RAPGEF2: variants seen among roughly 807,000 people sequenced by gnomAD.
RAPGEF2 encodes PDZ domain containing guanine nucleotide exchange factor (GEF) 1.
A neutral mutation model predicts 186.7 loss-of-function variants in RAPGEF2; 54 were observed. That is an observed-to-expected ratio of 0.29 (90% CI 0.23 to 0.36). The LOEUF is 0.36. Ranked by LOEUF, RAPGEF2 falls within the 10% of genes least tolerant of loss-of-function variation. RAPGEF2 has a pLI of 1.00. For synonymous variants in RAPGEF2, 712 were observed against 705.9 expected, an observed-to-expected ratio of 1.01 and a Z score of -0.14; for missense variants, 1,532 against 2,045.0, an observed-to-expected ratio of 0.75 and a Z score of 4.84.
rs1411740237 is a variant in RAPGEF2, at chr4:159,358,474, A to C, written c.*335A>C. ...CAACAAGATGATTCACTCTGGCTGCACTTCTCAATGCCTGGAAGGATTTTT... is the reference window on the plus strand; with the variant it reads ...CAACAAGATGATTCACTCTGGCTGCCCTTCTCAATGCCTGGAAGGATTTTT... On this transcript the variant is annotated 3_prime_UTR_variant, in exon 30 of 30. Transcript: ENST00000691494. 1 of 299,718 alleles carries C rather than the reference A, an allele frequency of 3.3e-6. No individual in the cohort carries two copies. Among genetic ancestry groups the C allele is most frequent in the African/African-American group, 2.2e-5 (1 of 46,452 alleles). 18.6% of individuals were successfully genotyped at this position (299,718 alleles called of 1,614,324 possible).
At position 159,144,879 on chromosome 4, in the gene RAPGEF2, G is replaced by GTTTTTT. The variant is rs137978885; in HGVS notation, c.69+40669_69+40674dup. On this transcript the variant is annotated intron_variant, in intron 1 of 29. Transcript: ENST00000691494. ...CTTCTTAATTTTTTTCTTTCTTCCT[G>GTTTTTT]TTTTTTTTTTTTTTTTTTTTTTTTT... Among the ~76,000 whole-genome samples the GTTTTTT allele has an allele frequency of 1.6e-3, 148 of 92,294 alleles. 16 individuals carry two copies. Among genetic ancestry groups the GTTTTTT allele is most frequent in the African/African-American group, 3.1e-3 (72 of 23,558 alleles). The allele number at this position is 92,294 out of a possible 152,430, so 60.5% of individuals were successfully genotyped here.
intron 7 of RAPGEF2, among the ~76,000 whole-genome samples, chr4:159,281,197 G>A (rs1407131981): frequency 2.0e-5 from 3 of 151,794 alleles, no homozygotes; most frequent in East Asian, 2.0e-4. Flanking sequence ...TCACCATGTT[G>A]GCCAAGATGG....
chr4:159,343,472 T>C, intron 22 of RAPGEF2, 68 bp downstream of exon 22: 2 of 1,569,462 alleles, frequency 1.3e-6, no homozygotes, highest in Non-Finnish European at 1.7e-6. Flanking sequence ...TCCCAATAAA[T>C]GATTTTTTTA....
At chr4:159,256,490 G>A (rs1485536943) in intron 7 of RAPGEF2, among the ~76,000 whole-genome samples, 2 of 152,180 alleles carry the variant, frequency 1.3e-5, no homozygotes, top group Non-Finnish European at 2.9e-5. Flanking sequence ...GCTATTGTGA[G>A]TAGTGCTGTG....
At chr4:159,254,852 C>T (rs1398284983) in intron 7 of RAPGEF2, among the ~76,000 whole-genome samples, 13 of 152,100 alleles carry the variant, frequency 8.5e-5, no homozygotes, top group East Asian at 3.9e-4. Flanking sequence ...CCGCCTGCCT[C>T]GGCCTCCCAA....
chr4:159,303,305 A>C (rs1056521554), intron 7 of RAPGEF2, among the ~76,000 whole-genome samples: 1 of 152,152 alleles, frequency 6.6e-6, no homozygotes, highest in Non-Finnish European at 1.5e-5. Flanking sequence ...CGGGAATACT[A>C]CTAAGGTTAA....
chr4:159,271,647 G>C (rs1035867414), intron 7 of RAPGEF2, among the ~76,000 whole-genome samples: 1 of 152,138 alleles, frequency 6.6e-6, no homozygotes, highest in African/African-American at 2.4e-5. Flanking sequence ...CCACAGACTT[G>C]TACTACCTAC....
chr4:159,293,994 G>T (rs1028723260), intron 7 of RAPGEF2, among the ~76,000 whole-genome samples: 2 of 152,160 alleles, frequency 1.3e-5, no homozygotes, highest in East Asian at 3.8e-4. Context: ...CGGAAGGGAC[G>T]TTGGGAAATG....
chr4:159,183,134 G>C (rs964537415), intron 1 of RAPGEF2, among the ~76,000 whole-genome samples: 1 of 152,168 alleles, frequency 6.6e-6, no homozygotes, highest in Non-Finnish European at 1.5e-5. Context: ...GTGAAAGGTA[G>C]AACAAGGCTG....
intron 1 of RAPGEF2, among the ~76,000 whole-genome samples, chr4:159,183,477 A>C: frequency 6.6e-6 from 1 of 152,366 alleles, no homozygotes; most frequent in Middle Eastern, 3.4e-3. Context: ...AAAATATAGT[A>C]GTAAATCATT....
At chr4:159,171,357 A>G (rs1561040925) in intron 1 of RAPGEF2, among the ~76,000 whole-genome samples, 1 of 152,226 alleles carries the variant, frequency 6.6e-6, no homozygotes. Context: ...TGATTCGCTT[A>G]GAAAATCTTA....
At position 159,358,203 on chromosome 4, in the gene RAPGEF2, G is replaced by GC. The variant is rs1483791194; in HGVS notation, c.*65dup. ...AGGAGAGCACAAGAAGACGTCCTGAGCATTGGAGCCTTGGAACTCACATTC... is the reference window on the plus strand; with the variant it reads ...AGGAGAGCACAAGAAGACGTCCTGAGCCATTGGAGCCTTGGAACTCACATTC... On this transcript the variant is annotated 3_prime_UTR_variant, in exon 30 of 30. Coordinates refer to ENST00000691494, the MANE Select transcript of RAPGEF2 (RefSeq NM_001394067.2). 1 of 1,509,326 alleles carries GC rather than the reference G, an allele frequency of 6.6e-7. No homozygotes were observed. Among genetic ancestry groups the GC allele is most frequent in the Non-Finnish European group, 9.0e-7 (1 of 1,105,904 alleles). 93.5% of individuals were successfully genotyped at this position (1,509,326 alleles called of 1,614,324 possible).
intron 1 of RAPGEF2, among the ~76,000 whole-genome samples, chr4:159,181,858 A>T (rs1747047654): frequency 6.6e-6 from 1 of 152,150 alleles, no homozygotes; most frequent in East Asian, 1.9e-4. Flanking sequence ...GTCATTCTGT[A>T]CTATTTAACA....
intron 9 of RAPGEF2, among the ~76,000 whole-genome samples, chr4:159,319,219 G>A (rs1024647525): frequency 3.9e-5 from 6 of 152,106 alleles, no homozygotes; most frequent in Non-Finnish European, 2.9e-5. Flanking sequence ...GAACTAGGCC[G>A]CACAGCAGGA....
intron 17 of RAPGEF2, among the ~76,000 whole-genome samples, chr4:159,334,882 C>T (rs1289310321): frequency 1.3e-5 from 2 of 151,964 alleles, no homozygotes; most frequent in South Asian, 2.1e-4. Context: ...ATATATGGCT[C>T]ATTTAAAGAT....
At chr4:159,345,352 T>A (rs756752940) in intron 24 of RAPGEF2, 23 bp downstream of exon 24, 113 of 1,609,026 alleles carry the variant, frequency 7.0e-5, no homozygotes, top group Non-Finnish European at 9.6e-5. Context: ...TTAAAGTGGC[T>A]GCAGACTTTG....
chr4:159,177,557 C>A (rs373830567), intron 1 of RAPGEF2, among the ~76,000 whole-genome samples: 2 of 152,164 alleles, frequency 1.3e-5, no homozygotes, highest in Non-Finnish European at 2.9e-5. Context: ...CCATCTGACT[C>A]CAAAGCTTGT....
At chr4:159,212,640 G>T (rs981138029) in intron 4 of RAPGEF2, among the ~76,000 whole-genome samples, 3 of 152,054 alleles carry the variant, frequency 2.0e-5, no homozygotes, top group Non-Finnish European at 4.4e-5. Flanking sequence ...TTAACATTCA[G>T]CTATTTGAAC....
intron 8 of RAPGEF2, among the ~76,000 whole-genome samples, chr4:159,310,988 A>G (rs1763884225): frequency 1.3e-5 from 2 of 151,518 alleles, no homozygotes; most frequent in South Asian, 4.2e-4. Flanking sequence ...TTATATTTCA[A>G]TTTTTTTTTA....
Sources: allele counts gnomAD v4.1 joint callset (sites outside exome capture counted in the v4.1 genomes callset), GRCh38; gene constraint gnomAD v4.1.1; transcripts MANE v1.5; gene names NCBI Gene and HGNC (gene_info 2026-07-23, HGNC 2026-07-21).